The following RPGRIP1 variants were observed in gnomAD, a reference collection of about 807,000 sequenced individuals.
RPGRIP1 encodes the protein RPGR interacting protein 1.
A neutral mutation model predicts 157.9 loss-of-function variants in RPGRIP1; 128 were observed. That is an observed-to-expected ratio of 0.81 (90% CI 0.70 to 0.94). The LOEUF (loss-of-function observed/expected upper bound fraction) is 0.94, where lower values mean the gene tolerates loss of function less well. Ranked by LOEUF, RPGRIP1 falls within the 40% of genes least tolerant of loss-of-function variation. RPGRIP1 has a pLI of 0.00. For synonymous variants in RPGRIP1, 554 were observed against 571.6 expected, an observed-to-expected ratio of 0.97 and a Z score of 0.44; for missense variants, 1,486 against 1,545.8, an observed-to-expected ratio of 0.96 and a Z score of 0.65.
intron 11 of RPGRIP1, among the ~76,000 whole-genome samples, chr14:21,318,869 G>C (rs1346824813): frequency 6.7e-6 from 1 of 149,096 alleles, no homozygotes; most frequent in African/African-American, 2.5e-5. Flanking sequence ...TCCAATTCTT[G>C]AAATTGAGTA....
intron 2 of RPGRIP1, among the ~76,000 whole-genome samples, chr14:21,292,725 C>T (rs1880584919): frequency 1.3e-5 from 2 of 151,808 alleles, no homozygotes; most frequent in African/African-American, 4.8e-5. Context: ...GCCTGTAATC[C>T]CAGCCATTCG....
Position 21,280,111 on chromosome 14 carries a change from A to G in RPGRIP1, c.-87A>G, listed in dbSNP as rs138444296. ...ACCTAGAGTACTAAAGGACACCAGAACATTGAGAGAAAAGAATTAGCGACA... is the reference window on the plus strand; with the variant it reads ...ACCTAGAGTACTAAAGGACACCAGAGCATTGAGAGAAAAGAATTAGCGACA... On this transcript the variant is annotated 5_prime_UTR_variant, in exon 1 of 25. Transcript: ENST00000400017. 4.4e-3 allele frequency among the ~76,000 whole-genome samples: 674 copies of G among 152,354 alleles called. 7 individuals are homozygous for G. Among genetic ancestry groups the G allele is most frequent in the African/African-American group, 0.015 (644 of 41,588 alleles).
In RPGRIP1 at chr14:21,321,888, A is replaced by G. The variant is rs1489878856; in HGVS notation, c.1646A>G (p.Asn549Ser). ...ELEAMMTKAD[N>S]DNRDHKEKLE... ...GAGGCAATGATGACAAAAGCTGACA[A>G]TGATAATAGAGATCACAAAGAAAAG... is the stretch of plus-strand genomic sequence containing the variant. The change falls in exon 14 of 25, where the codon AAT becomes AGT. Residue 549 changes from asparagine to serine, a missense_variant. Coordinates refer to ENST00000400017, the MANE Select transcript of RPGRIP1 (RefSeq NM_020366.4). The G allele has an allele frequency of 6.2e-6, 10 of 1,613,448 alleles. No individual in the cohort carries two copies. The South Asian group carries it at 1.1e-4, about 18-fold the overall frequency.
intron 10 of RPGRIP1, among the ~76,000 whole-genome samples, chr14:21,313,974 G>A (rs1352714824): frequency 2.0e-5 from 3 of 147,052 alleles, no homozygotes; most frequent in Non-Finnish European, 4.5e-5. Flanking sequence ...TTGAGATGGG[G>A]TTTCACTCTG....
intron 11 of RPGRIP1, chr14:21,318,291 TA>T (rs1881996245): frequency 5.8e-6 from 2 of 342,794 alleles, no homozygotes. Context: ...TTTTTGTATT[TA>T]GTAGAGATGG....
chr14:21,293,160 A>G (rs1192636112), intron 2 of RPGRIP1, among the ~76,000 whole-genome samples: 1 of 152,130 alleles, frequency 6.6e-6, no homozygotes, highest in Admixed American at 6.6e-5. Context: ...AAATAAGTAA[A>G]TAAACGCAAA....
At chr14:21,348,636 C>A in intron 24 of RPGRIP1, among the ~76,000 whole-genome samples, 1 of 151,652 alleles carries the variant, frequency 6.6e-6, no homozygotes, top group South Asian at 2.1e-4. Context: ...AGCTGATGCC[C>A]ATTCTTTATG....
At chr14:21,307,630 A>T in intron 6 of RPGRIP1, 101 bp from the exon 7 acceptor site, 1 of 726,582 alleles carries the variant, frequency 1.4e-6, no homozygotes, top group Non-Finnish European at 2.4e-6. Flanking sequence ...CGGGAAGGCA[A>T]GAGACAAGAG....
intron 2 of RPGRIP1, among the ~76,000 whole-genome samples, chr14:21,294,274 A>C (rs980476709): frequency 6.7e-6 from 1 of 150,320 alleles, no homozygotes; most frequent in East Asian, 2.0e-4. Flanking sequence ...TCTGTCACCC[A>C]GGGTGGAGTA....
At position 21,324,900 on chromosome 14, in the gene RPGRIP1, ATGT is replaced by A; in HGVS notation, c.2046_2048del (p.Tyr682_Val683delinsTer). ...CCCCTCTATGACTTCACCTCCCAGTATGTGATGGAGACAGATTCGCTTTTCTTA... is the reference window on the plus strand; with the variant it reads ...CCCCTCTATGACTTCACCTCCCAGTAGATGGAGACAGATTCGCTTTTCTTA... On this transcript the variant is annotated stop_gained and inframe_deletion, in exon 15 of 25. Coordinates refer to ENST00000400017, the MANE Select transcript of RPGRIP1 (RefSeq NM_020366.4). LOFTEE classifies it high-confidence loss of function. 3 of 1,614,032 alleles carry A rather than the reference ATGT, an allele frequency of 1.9e-6. No individual in the cohort carries two copies. Among genetic ancestry groups the A allele is most frequent in the Non-Finnish European group, 2.5e-6 (3 of 1,179,904 alleles).
intron 24 of RPGRIP1, among the ~76,000 whole-genome samples, chr14:21,350,640 A>T (rs773063574): frequency 4.6e-5 from 7 of 152,208 alleles, no homozygotes; most frequent in Non-Finnish European, 8.8e-5. Flanking sequence ...GAATAACAGC[A>T]GTCTCTATCT....
rs9322965 is a variant in RPGRIP1, at chr14:21,324,652, G to A, written c.1797G>A (p.Pro599=). The change falls in exon 15 of 25, where the codon CCG becomes CCA. Residue 599 remains proline, a synonymous_variant. Coordinates refer to ENST00000400017, the MANE Select transcript of RPGRIP1 (RefSeq NM_020366.4). ...QLKDVAYGTR[P]LSLCLETLPA... ...AAGATGTTGCTTATGGCACCCGACC[G>A]TTGTCGTTATGTTTGGAAACACTGC... 0.23 allele frequency: 369,137 copies of A among 1,613,316 alleles called. 44,140 individuals are homozygous for A. Among genetic ancestry groups the A allele is most frequent in the South Asian group, 0.27 (24,792 of 91,064 alleles).
chr14:21,339,094 C>A (rs902135875), intron 21 of RPGRIP1, among the ~76,000 whole-genome samples: 3 of 151,922 alleles, frequency 2.0e-5, no homozygotes, highest in Non-Finnish European at 4.4e-5. Context: ...CAAGATTGCA[C>A]CACTGCACTC....
intron 5 of RPGRIP1, chr14:21,303,082 C>T: frequency 5.3e-6 from 2 of 376,890 alleles, no homozygotes; most frequent in Non-Finnish European, 9.8e-6. Context: ...GTTGGCCAGG[C>T]TTGTCTCCAA....
intron 21 of RPGRIP1, among the ~76,000 whole-genome samples, chr14:21,338,479 G>T (rs1884639980): frequency 6.6e-6 from 1 of 152,114 alleles, no homozygotes; most frequent in Non-Finnish European, 1.5e-5. Context: ...TCCTTGCAGG[G>T]TTTCTGCCAG....
intron 10 of RPGRIP1, among the ~76,000 whole-genome samples, chr14:21,313,458 G>A (rs537331751): frequency 6.6e-6 from 1 of 152,186 alleles, no homozygotes; most frequent in Non-Finnish European, 1.5e-5. Context: ...CATAAAGCAT[G>A]TTGCATCCTC....
intron 24 of RPGRIP1, 45 bp downstream of exon 24, chr14:21,348,347 T>C (rs1414216643): frequency 1.4e-5 from 20 of 1,405,648 alleles, no homozygotes; most frequent in Non-Finnish European, 1.8e-5. Flanking sequence ...AAGGAAATCA[T>C]CCTAATAGTG....
intron 3 of RPGRIP1, among the ~76,000 whole-genome samples, chr14:21,296,120 G>C (rs1356979270): frequency 7.0e-6 from 1 of 142,952 alleles, no homozygotes; most frequent in African/African-American, 2.6e-5. Flanking sequence ...TTTTTTTTTG[G>C]AGACGGAGTC....
chr14:21,324,538 A>G, intron 14 of RPGRIP1, 80 bp from the exon 15 acceptor site: 1 of 1,175,672 alleles, frequency 8.5e-7, no homozygotes. Context: ...TGTGTTTTAT[A>G]TTTCTTTTGT....
Sources: gnomAD v4.1 joint callset for allele counts (sites outside exome capture counted in the v4.1 genomes callset) on GRCh38, gnomAD v4.1.1 for gene constraint, MANE v1.5 for transcripts, NCBI Gene and HGNC (gene_info 2026-07-23, HGNC 2026-07-21) for gene names.